Variants in GJB7 observed in about 807,000 individuals in gnomAD.
GJB7 encodes the protein gap junction protein beta 7.
For synonymous variants in GJB7, 87 were observed against 95.2 expected (o/e 0.91, Z 0.50); for missense variants, 253 against 256.8 (o/e 0.99, Z 0.10).
Position 87,284,768 on chromosome 6 carries a change from T to G in GJB7, c.145A>C (p.Lys49Gln). The G allele has an allele frequency of 1.2e-6, 2 of 1,614,136 alleles. No homozygotes were observed. Among genetic ancestry groups the G allele is most frequent in the Non-Finnish European group, 1.7e-6 (2 of 1,180,024 alleles). ...TGTCTACTGTTGCACTCAAACTCTT[T>G]CTGCTCATCTTTCCACACGTGCTCT... ...AAEHVWKDEQ[K>Q]EFECNSRQPG... is the part of the protein sequence containing the mutation. Residue 49 changes from lysine to glutamine, a missense_variant, in exon 3 of 3, where the codon AAA becomes CAA. Lys to Gln is a moderately conservative substitution (Grantham distance 53). Coordinates refer to ENST00000525899, the MANE Select transcript of GJB7 (RefSeq NM_198568.3).
intron 2 of GJB7, among the ~76,000 whole-genome samples, chr6:87,315,362 C>A (rs1776565696): frequency 6.6e-6 from 1 of 152,114 alleles, no homozygotes; most frequent in East Asian, 1.9e-4. Flanking sequence ...CAAACAAGGC[C>A]AAAAGAGTTG....
At chr6:87,300,949 C>T (rs1036895596) in intron 2 of GJB7, among the ~76,000 whole-genome samples, 13 of 152,096 alleles carry the variant, frequency 8.5e-5, no homozygotes, top group Admixed American at 5.9e-4. Flanking sequence ...TTAGTTAATA[C>T]GGACTTTAAA....
chr6:87,297,185 G>A (rs959844685), intron 2 of GJB7, among the ~76,000 whole-genome samples: 5 of 152,178 alleles, frequency 3.3e-5, no homozygotes, highest in African/African-American at 1.2e-4. Flanking sequence ...GCTTAGTTTT[G>A]ATTTAGTGAG....
chr6:87,323,438 C>A (rs770994535), intron 1 of GJB7, among the ~76,000 whole-genome samples: 42 of 117,058 alleles, frequency 3.6e-4, no homozygotes, highest in Admixed American at 5.5e-4. Flanking sequence ...CCCCACCCCA[C>A]AACAGACCTC....
At chr6:87,328,207 C>T (rs1392888770) in intron 1 of GJB7, among the ~76,000 whole-genome samples, 1 of 152,198 alleles carries the variant, frequency 6.6e-6, no homozygotes, top group Non-Finnish European at 1.5e-5. Flanking sequence ...TGAATTTCCT[C>T]CCGTAGCTCG....
chr6:87,284,285 A>G lies in GJB7; in HGVS notation c.628T>C (p.Cys210Arg), dbSNP rs146904129. The G allele has an allele frequency of 4.4e-5, 71 of 1,614,020 alleles. No individual in the cohort carries two copies. The highest frequency in any genetic ancestry group is 5.9e-5 in the Non-Finnish European group (70 of 1,179,938). Residue 210 changes from cysteine (C) to arginine (R), a missense_variant, in exon 3 of 3, where the codon TGT becomes CGT. Cys to Arg is a radical substitution (Grantham distance 180, BLOSUM62 -3). Transcript: ENST00000525899. ...FLVLKCFIKC[C>R]LQKYLKKPQV... Reference sequence around the variant, plus strand: ...GGTTTTTTTAAATATTTTTGGAGACAGCACTTAATAAAGCACTTGAGAACC... The same window carrying G: ...GGTTTTTTTAAATATTTTTGGAGACGGCACTTAATAAAGCACTTGAGAACC...
At chr6:87,297,447 T>C (rs755067379) in intron 2 of GJB7, among the ~76,000 whole-genome samples, 2 of 152,204 alleles carry the variant, frequency 1.3e-5, no homozygotes, top group Admixed American at 6.5e-5. Flanking sequence ...ATCTTCCAAA[T>C]ATGGAGAAAC....
chr6:87,286,902 T>C (rs867080109), intron 2 of GJB7, among the ~76,000 whole-genome samples: 37 of 152,246 alleles, frequency 2.4e-4, no homozygotes, highest in African/African-American at 8.0e-4. Flanking sequence ...TCAAGTCTAA[T>C]TTCCATTAAC....
At chr6:87,291,603 T>G (rs1234058570) in intron 2 of GJB7, among the ~76,000 whole-genome samples, 1 of 152,238 alleles carries the variant, frequency 6.6e-6, no homozygotes, top group Non-Finnish European at 1.5e-5. Flanking sequence ...CTGGCATTCT[T>G]TCTTGGCTAC....
At chr6:87,321,658 G>C (rs117848164) in intron 2 of GJB7, among the ~76,000 whole-genome samples, 1 of 152,032 alleles carries the variant, frequency 6.6e-6, no homozygotes, top group Non-Finnish European at 1.5e-5. Context: ...TTTATTTTTG[G>C]TTTTTGTATT....
At chr6:87,286,517 C>T (rs1338598297) in intron 2 of GJB7, among the ~76,000 whole-genome samples, 5 of 152,206 alleles carry the variant, frequency 3.3e-5, no homozygotes, top group African/African-American at 1.2e-4. Flanking sequence ...CTAGTACATC[C>T]ACGATGCTAT....
At chr6:87,319,416 A>T (rs751525068) in intron 2 of GJB7, among the ~76,000 whole-genome samples, 1 of 152,184 alleles carries the variant, frequency 6.6e-6, no homozygotes, top group Admixed American at 6.6e-5. Context: ...TCATCTGATC[A>T]CTTTCTATTG....
intron 2 of GJB7, among the ~76,000 whole-genome samples, chr6:87,301,810 G>A (rs746270385): frequency 3.9e-5 from 6 of 152,196 alleles, no homozygotes; most frequent in African/African-American, 1.4e-4. Context: ...TCACATGGCC[G>A]GGTACCCCTC....
rs755005768 is a variant in GJB7 at position 87,284,583 on chromosome 6, A to G, written c.330T>C (p.Tyr110=). ...GREKRHRKKL[Y]VSPGTMDGGL... is the part of the protein sequence containing the mutation. The stretch of plus-strand genomic sequence containing the variant: ...CCCCATCCATTGTACCTGGGCTGAC[A>G]TAGAGTTTCTTTCTGTGCCTTTTCT... Residue 110 remains tyrosine, a synonymous_variant, in exon 3 of 3, where the codon TAT becomes TAC. Coordinates refer to ENST00000525899, the MANE Select transcript of GJB7 (RefSeq NM_198568.3). The G allele has an allele frequency of 1.9e-6, 3 of 1,614,176 alleles. No individual in the cohort carries two copies. Among genetic ancestry groups the G allele is most frequent in the Non-Finnish European group, 2.5e-6 (3 of 1,180,002 alleles).
intron 1 of GJB7, among the ~76,000 whole-genome samples, chr6:87,328,222 A>T (rs1373501048): frequency 2.0e-5 from 3 of 152,192 alleles, no homozygotes; most frequent in African/African-American, 7.2e-5. Context: ...AGCTCGGAAT[A>T]ATTTGATCGT....
At position 87,284,082 on chromosome 6, in the gene GJB7, C is replaced by T; in HGVS notation, c.*159G>A. 1 of 622,798 alleles carries T rather than the reference C, an allele frequency of 1.6e-6. No homozygotes were observed. The highest frequency in any genetic ancestry group is 2.8e-6 in the Non-Finnish European group (1 of 356,954). 38.6% of individuals were successfully genotyped at this position (622,798 alleles called of 1,614,324 possible). ...GTCTTCCAACTCAGCTTAGGCCTTG[C>T]TGAGGAGGGATGCAGGTTTTCTTTG... is the stretch of plus-strand genomic sequence containing the variant. On this transcript the variant is annotated 3_prime_UTR_variant, in exon 3 of 3. Coordinates refer to ENST00000525899, the MANE Select transcript of GJB7 (RefSeq NM_198568.3).
intron 2 of GJB7, among the ~76,000 whole-genome samples, chr6:87,286,856 T>C (rs1321716013): frequency 6.6e-6 from 1 of 152,222 alleles, no homozygotes; most frequent in African/African-American, 2.4e-5. Context: ...ATGAAGACAC[T>C]TTCTCAAGGT....
chr6:87,310,487 T>A (rs1429281291), intron 2 of GJB7, among the ~76,000 whole-genome samples: 2 of 151,876 alleles, frequency 1.3e-5, no homozygotes, highest in East Asian at 3.9e-4. Flanking sequence ...TAAAAATTAA[T>A]AAGAAAACAT....
chr6:87,292,828 A>G (rs1007950725), intron 2 of GJB7, among the ~76,000 whole-genome samples: 3 of 152,198 alleles, frequency 2.0e-5, no homozygotes, highest in Non-Finnish European at 4.4e-5. Flanking sequence ...CAGAGCCAGC[A>G]TGAAAAGTAT....
Sources: allele counts gnomAD v4.1 joint callset (sites outside exome capture counted in the v4.1 genomes callset), GRCh38; gene constraint gnomAD v4.1.1; transcripts MANE v1.5; gene names NCBI Gene and HGNC (gene_info 2026-07-23, HGNC 2026-07-21).